Variants in PNLIP observed in about 807,000 individuals in gnomAD.
PNLIP encodes pancreatic lipase.
Under a neutral mutation model 57.1 loss-of-function variants are expected in PNLIP, and 49 were observed. The ratio of observed to expected loss-of-function variants is 0.86; its 90% CI spans 0.68 to 1.09. The LOEUF is 1.09. Among genes scored for constraint, PNLIP ranks in the 50% least tolerant of loss-of-function variants. The probability of loss-of-function intolerance (pLI) is 0.00; values close to 1 mark genes in which losing one functional copy is unlikely to be tolerated. For missense variants in PNLIP, 503 were observed against 570.2 expected, an observed-to-expected ratio of 0.88 and a Z score of 1.20; for synonymous variants, 209 against 200.4, an observed-to-expected ratio of 1.04 and a Z score of -0.36.
chr10:116,560,529 G>A lies in PNLIP; in HGVS notation c.1169+5G>A. On this transcript the variant is annotated splice_donor_5th_base_variant and intron_variant, in intron 11 of 12. Coordinates refer to ENST00000369221, the MANE Select transcript of PNLIP (RefSeq NM_000936.4). ...TAAGCAGTATGAAATTTTCAAGTGAGTAAAATAATATTGCTCTATGCTTTT... is the reference window on the plus strand; with the variant it reads ...TAAGCAGTATGAAATTTTCAAGTGAATAAAATAATATTGCTCTATGCTTTT... The A allele has an allele frequency of 2.2e-6, 2 of 900,634 alleles. No individual in the cohort carries two copies. The highest frequency in any genetic ancestry group is 3.5e-6 in the Non-Finnish European group (2 of 567,826). 55.8% of individuals were successfully genotyped at this position (900,634 alleles called of 1,614,324 possible). A position where few individuals can be genotyped will look rare whatever the true frequency, so the allele number is the denominator to read the frequency against.
chr10:116,547,725 CAAAAAAAA>C (rs569977938), intron 3 of PNLIP, among the ~76,000 whole-genome samples: 2 of 47,248 alleles, frequency 4.2e-5, no homozygotes, highest in African/African-American at 1.6e-4. Context: ...GACTCCATCT[CAAAAAAAA>C]AAAAAAAAAA....
In PNLIP at chr10:116,559,241, C is replaced by T. The variant is rs959284847; in HGVS notation, c.1018C>T (p.Gln340Ter). 2 of 1,613,864 alleles carry T rather than the reference C, an allele frequency of 1.2e-6. No homozygotes were observed. The highest frequency in any genetic ancestry group is 2.7e-5 in the African/African-American group (2 of 74,908). ...TCCTGGGAAAACAAATGATGTGGGC[C>T]AGAAATTTTATCTAGACACTGGTGA... ...RYPGKTNDVGQKFYLDTGDAS... is the reference protein window; with the variant it reads ...RYPGKTNDVG Residue 340 changes from glutamine to a stop codon, truncating the protein, a stop_gained, in exon 10 of 13, where the codon CAG becomes TAG. Transcript: ENST00000369221. LOFTEE classifies it high-confidence loss of function.
At chr10:116,565,292 A>G (rs1330716219) in intron 12 of PNLIP, among the ~76,000 whole-genome samples, 1 of 151,048 alleles carries the variant, frequency 6.6e-6, no homozygotes, top group African/African-American at 2.4e-5. Context: ...AGAACAAAGA[A>G]TATAGGAGAC....
intron 5 of PNLIP, among the ~76,000 whole-genome samples, chr10:116,552,020 G>T (rs538884190): frequency 4.6e-5 from 7 of 152,220 alleles, no homozygotes; most frequent in Admixed American, 3.9e-4. Flanking sequence ...AATTCCTATT[G>T]CCTTGTGACC....
intron 12 of PNLIP, among the ~76,000 whole-genome samples, chr10:116,563,936 G>C (rs1337446934): frequency 6.6e-6 from 1 of 151,966 alleles, no homozygotes; most frequent in Non-Finnish European, 1.5e-5. Flanking sequence ...TAATAATAAG[G>C]CTTATTTATT....
At chr10:116,554,324 A>G (rs1164211917) in intron 6 of PNLIP, among the ~76,000 whole-genome samples, 1 of 152,232 alleles carries the variant, frequency 6.6e-6, no homozygotes, top group African/African-American at 2.4e-5. Flanking sequence ...TGAAATTTGT[A>G]TAACTAATTA....
In PNLIP at chr10:116,555,240, G is replaced by T; in HGVS notation, c.634G>T (p.Asp212Tyr). The T allele has an allele frequency of 6.2e-7, 1 of 1,614,150 alleles. No homozygotes were observed. The highest frequency in any genetic ancestry group is 8.5e-7 in the Non-Finnish European group (1 of 1,180,032). The change falls in exon 7 of 13, where the codon GAT becomes TAT. Residue 212 changes from aspartate (D) to tyrosine (Y), a missense_variant. Coordinates refer to ENST00000369221, the MANE Select transcript of PNLIP (RefSeq NM_000936.4). Reference protein sequence around the residue: ...TPELVRLDPSDAKFVDVIHTD... With the variant: ...TPELVRLDPSYAKFVDVIHTD... ...TGAATTAGTCCGATTGGACCCCAGC[G>T]ATGCCAAATTTGTGGATGTAATTCA...
chr10:116,556,562 G>A (rs1347653058), intron 9 of PNLIP, among the ~76,000 whole-genome samples: 1 of 151,854 alleles, frequency 6.6e-6, no homozygotes, highest in Non-Finnish European at 1.5e-5. Flanking sequence ...ATCTTATTTG[G>A]TATTCTCTTG....
intron 4 of PNLIP, among the ~76,000 whole-genome samples, chr10:116,549,529 C>T (rs911384175): frequency 2.7e-4 from 41 of 151,848 alleles, no homozygotes; most frequent in Non-Finnish European, 4.7e-4. Flanking sequence ...CATACAGTTT[C>T]AGGTCTGCCT....
At chr10:116,565,405 C>T (rs1209514878) in intron 12 of PNLIP, among the ~76,000 whole-genome samples, 1 of 151,604 alleles carries the variant, frequency 6.6e-6, no homozygotes, top group African/African-American at 2.4e-5. Flanking sequence ...CAAAACTTAC[C>T]CCACTGTATT....
chr10:116,555,395 A>T lies in PNLIP; in HGVS notation c.699A>T (p.Gly233=), dbSNP rs141158997. The change falls in exon 8 of 13, where the codon GGA becomes GGT. Residue 233 remains glycine, a synonymous_variant. Transcript: ENST00000369221. ...GAPIVPNLGF[G]MSQVVGHLDF... Reference sequence around the variant, plus strand: ...GTATTTTTATGATTTCAGGGTTTGGAATGAGCCAAGTCGTGGGCCACCTAG... The same window carrying T: ...GTATTTTTATGATTTCAGGGTTTGGTATGAGCCAAGTCGTGGGCCACCTAG... 5.6e-5 allele frequency: 90 copies of T among 1,614,162 alleles called. No individual in the cohort carries two copies. In the African/African-American group the frequency reaches 1.2e-3, roughly 21 times the overall value.
chr10:116,552,952 A>G (rs1230573185), intron 5 of PNLIP, among the ~76,000 whole-genome samples: 1 of 152,224 alleles, frequency 6.6e-6, no homozygotes, highest in Admixed American at 6.5e-5. Flanking sequence ...AACTGAGTGT[A>G]GAGTAATGTA....
At chr10:116,551,638 C>T (rs1449593471) in intron 5 of PNLIP, among the ~76,000 whole-genome samples, 2 of 152,250 alleles carry the variant, frequency 1.3e-5, no homozygotes, top group East Asian at 1.9e-4. Context: ...AAATGTTATA[C>T]TTGAATGTGT....
rs138720920 is a variant in PNLIP at position 116,551,193 on chromosome 10, C to T, written c.420C>T (p.Ile140=). The change falls in exon 5 of 13, where the codon ATC becomes ATT. Residue 140 remains isoleucine (I), a synonymous_variant. Transcript: ENST00000369221. ...GYTQASQNIR[I]VGAEVAYFVE... ...CACAAGCCTCGCAGAACATCAGGAT[C>T]GTGGGAGCAGAAGTGGCATATTTTG... 3.1e-3 allele frequency: 4,934 copies of T among 1,610,552 alleles called. 15 individuals carry two copies. The highest frequency in any genetic ancestry group is 3.7e-3 in the Non-Finnish European group (4,304 of 1,178,748).
rs756432529 is a variant in PNLIP, at chr10:116,551,217, T to C, written c.444T>C (p.Phe148=). 6.2e-7 allele frequency: 1 copy of C among 1,611,288 alleles called. No individual in the cohort carries two copies. The highest frequency in any genetic ancestry group is 8.5e-7 in the Non-Finnish European group (1 of 1,178,544). The change falls in exon 5 of 13, where the codon TTT becomes TTC. Residue 148 remains phenylalanine, a synonymous_variant. Transcript: ENST00000369221. ...TCGTGGGAGCAGAAGTGGCATATTT[T>C]GTTGAATTTCTTCAGGTAATTACTC... The part of the protein sequence containing the change: ...IRIVGAEVAY[F]VEFLQSAFGY...
chr10:116,559,105 C>T (rs771467907), intron 9 of PNLIP, 49 bp from the exon 10 acceptor site: 7 of 1,588,432 alleles, frequency 4.4e-6, no homozygotes, highest in Non-Finnish European at 5.1e-6. Context: ...ATATGGTACA[C>T]AACTAAAAGA....
chr10:116,566,534 A>T (rs911308015), intron 12 of PNLIP, among the ~76,000 whole-genome samples: 4 of 152,166 alleles, frequency 2.6e-5, no homozygotes, highest in Admixed American at 2.6e-4. Context: ...GTGAAAACGT[A>T]TCAATTTAAA....
At chr10:116,551,796 C>A (rs1055255728) in intron 5 of PNLIP, among the ~76,000 whole-genome samples, 1 of 152,092 alleles carries the variant, frequency 6.6e-6, no homozygotes, top group Non-Finnish European at 1.5e-5. Flanking sequence ...AAGTTAAACC[C>A]ATTTCCATTT....
chr10:116,557,983 G>A (rs113826409), intron 9 of PNLIP, among the ~76,000 whole-genome samples: 4 of 151,754 alleles, frequency 2.6e-5, no homozygotes, highest in African/African-American at 9.7e-5. Context: ...AGCCGGGCGC[G>A]GTGGCTCATG....
Sources: allele counts gnomAD v4.1 joint callset (sites outside exome capture counted in the v4.1 genomes callset), GRCh38; gene constraint gnomAD v4.1.1; transcripts MANE v1.5; gene names NCBI Gene and HGNC (gene_info 2026-07-23, HGNC 2026-07-21).